PITPNA: variants seen among roughly 807,000 people sequenced by gnomAD.
The protein encoded by PITPNA is phosphatidylinositol transfer protein alpha isoform.
PITPNA carries 13 observed loss-of-function variants against 50.3 expected under a neutral mutation model. The ratio of observed to expected loss-of-function variants is 0.26; its 90% CI spans 0.17 to 0.41. The LOEUF (loss-of-function observed/expected upper bound fraction) is 0.41. Among genes scored for constraint, PITPNA ranks in the 10% least tolerant of loss-of-function variants. The pLI is 1.00. For synonymous variants in PITPNA, 120 were observed against 119.6 expected, an observed-to-expected ratio of 1.00 and a Z score of -0.02; for missense variants, 207 against 333.4, an observed-to-expected ratio of 0.62 and a Z score of 2.95.
intron 9 of PITPNA, among the ~76,000 whole-genome samples, chr17:1,534,956 C>T (rs1481865096): frequency 1.3e-5 from 2 of 152,208 alleles, no homozygotes; most frequent in Admixed American, 1.3e-4. Flanking sequence ...GGGCCATCTT[C>T]TTCACTGGGC....
Position 1,535,177 on chromosome 17 carries a change from C to T in PITPNA, c.645+5G>A, listed in dbSNP as rs2075608329. The T allele has an allele frequency of 1.3e-6, 2 of 1,594,266 alleles. No individual in the cohort carries two copies. The highest frequency in any genetic ancestry group is 1.7e-5 in the Admixed American group (1 of 59,942). On this transcript the variant is annotated splice_donor_5th_base_variant and intron_variant, in intron 9 of 11. Transcript: ENST00000313486. The stretch of plus-strand genomic sequence containing the variant: ...CACTGGGAAGGCCTCAGCCGAGCTA[C>T]TTACCTTATGGATGAAGTTCTCCAC...
chr17:1,545,917 CTTTTTT>C (rs11322049), intron 4 of PITPNA, among the ~76,000 whole-genome samples: 13 of 86,366 alleles, frequency 1.5e-4, no homozygotes, highest in African/African-American at 4.4e-4. Flanking sequence ...TGCATACTGC[CTTTTTT>C]TTTTTTTTTT....
chr17:1,538,966 TG>T lies in PITPNA; in HGVS notation c.373-15del, dbSNP rs773051210. On this transcript the variant is annotated splice_polypyrimidine_tract_variant and intron_variant, in intron 6 of 11. Coordinates refer to ENST00000313486, the MANE Select transcript of PITPNA (RefSeq NM_006224.4). ...CAGCTTATGCACCTGTGGGAACAAG[TG>T]GGGAACCACTATGCAGTTTTTGTCA... 5.0e-6 allele frequency: 8 copies of T among 1,591,248 alleles called. No individual in the cohort carries two copies. In the East Asian group the frequency reaches 1.8e-4, roughly 36 times the overall value.
chr17:1,554,803 C>A (rs929298197), intron 2 of PITPNA, among the ~76,000 whole-genome samples: 16 of 152,152 alleles, frequency 1.1e-4, no homozygotes, highest in African/African-American at 3.9e-4. Flanking sequence ...AATCCCAGAA[C>A]AAAATGCCAT....
At chr17:1,531,676 A>G (rs892889158) in intron 10 of PITPNA, among the ~76,000 whole-genome samples, 6 of 151,440 alleles carry the variant, frequency 4.0e-5, no homozygotes, top group African/African-American at 1.5e-4. Context: ...AAAAAAAAAA[A>G]GAACTACTAA....
intron 10 of PITPNA, among the ~76,000 whole-genome samples, chr17:1,526,704 T>C (rs938952895): frequency 2.0e-5 from 3 of 152,186 alleles, no homozygotes; most frequent in Non-Finnish European, 4.4e-5. Context: ...ACATGATAGC[T>C]TCCCCTACTG....
intron 10 of PITPNA, among the ~76,000 whole-genome samples, chr17:1,531,083 C>T (rs1312410386): frequency 6.6e-6 from 1 of 152,152 alleles, no homozygotes; most frequent in African/African-American, 2.4e-5. Context: ...CTCTGAAGCG[C>T]TGAGGGAACC....
intron 2 of PITPNA, among the ~76,000 whole-genome samples, chr17:1,554,591 T>C (rs777953446): frequency 2.6e-5 from 4 of 151,998 alleles, no homozygotes; most frequent in Non-Finnish European, 4.4e-5. Flanking sequence ...TCTAGGCAAC[T>C]GCTACTTAAA....
At chr17:1,543,870 CT>C (rs2075660201) in intron 4 of PITPNA, among the ~76,000 whole-genome samples, 1 of 152,216 alleles carries the variant, frequency 6.6e-6, no homozygotes, top group Non-Finnish European at 1.5e-5. Context: ...ACTGAAAGGC[CT>C]ACACTGAAGT....
At chr17:1,524,378 T>C (rs1214167363) in intron 10 of PITPNA, among the ~76,000 whole-genome samples, 1 of 145,974 alleles carries the variant, frequency 6.9e-6, no homozygotes, top group Non-Finnish European at 1.5e-5. Flanking sequence ...AGGGTCTCAC[T>C]GTGTCACTCA....
chr17:1,561,804 A>G (rs914645377), intron 1 of PITPNA, among the ~76,000 whole-genome samples: 2 of 151,734 alleles, frequency 1.3e-5, no homozygotes, highest in Non-Finnish European at 2.9e-5. Context: ...GTGTCCACTT[A>G]CCACCACCCC....
chr17:1,549,289 T>C (rs1406320163), intron 3 of PITPNA, among the ~76,000 whole-genome samples: 2 of 146,406 alleles, frequency 1.4e-5, no homozygotes, highest in African/African-American at 2.5e-5. Flanking sequence ...TTGGTAGGTG[T>C]GTGGTTTGAC....
intron 10 of PITPNA, among the ~76,000 whole-genome samples, chr17:1,522,932 GTGGC>G (rs1444886692): frequency 7.2e-5 from 11 of 152,232 alleles, no homozygotes; most frequent in African/African-American, 2.7e-4. Context: ...AGAAAATCCT[GTGGC>G]TCTCCGGGAG....
chr17:1,559,683 C>T, intron 1 of PITPNA: 2 of 730,310 alleles, frequency 2.7e-6, no homozygotes, highest in Non-Finnish European at 3.4e-6. Context: ...GGCTAGTAAA[C>T]AGCTATTTTC....
chr17:1,549,607 C>T lies in PITPNA; in HGVS notation c.198-1220G>A, dbSNP rs559240004. ...CTGAGATTACAGTGGCGTGAGCCAC[C>T]GTGCCTGGCCTAGAAAGATTTTTTA... On this transcript the variant is annotated intron_variant, in intron 3 of 11. Coordinates refer to ENST00000313486, the MANE Select transcript of PITPNA (RefSeq NM_006224.4). Among the ~76,000 whole-genome samples, 5 of 144,416 alleles carry T rather than the reference C, an allele frequency of 3.5e-5. No homozygotes were observed. In the East Asian group the frequency reaches 1.2e-3, roughly 36 times the overall value. The allele number at this position is 144,416 out of a possible 152,430, so 94.7% of individuals were successfully genotyped here.
chr17:1,558,360 AG>A (rs756707039), intron 2 of PITPNA, among the ~76,000 whole-genome samples, 168 bp downstream of exon 2: 6 of 152,242 alleles, frequency 3.9e-5, no homozygotes, highest in Non-Finnish European at 8.8e-5. Context: ...AGATATACAA[AG>A]TAAGTGCCAT....
chr17:1,544,031 T>C (rs1257656163), intron 4 of PITPNA, among the ~76,000 whole-genome samples: 33 of 152,240 alleles, frequency 2.2e-4, no homozygotes, highest in Non-Finnish European at 1.5e-4. Context: ...GCGCCATCCC[T>C]GGAGTGGGGG....
rs114137641 is a variant in PITPNA at position 1,520,838 on chromosome 17, C to T, written c.*23-300G>A. ...CCTTGCCCGTAGGGTTAGAGGCCAGCTTTTATTTGTAAAAATAATTTTCTC... is the reference window on the plus strand; with the variant it reads ...CCTTGCCCGTAGGGTTAGAGGCCAGTTTTTATTTGTAAAAATAATTTTCTC... On this transcript the variant is annotated intron_variant, in intron 11 of 11. Transcript: ENST00000313486. Among the ~76,000 whole-genome samples, 736 of 152,278 alleles carry T rather than the reference C, an allele frequency of 4.8e-3. 4 individuals carry two copies. The highest frequency in any genetic ancestry group is 0.017 in the African/African-American group (693 of 41,550).
At chr17:1,553,634 A>T (rs2075720785) in intron 2 of PITPNA, among the ~76,000 whole-genome samples, 1 of 152,184 alleles carries the variant, frequency 6.6e-6, no homozygotes, top group African/African-American at 2.4e-5. Flanking sequence ...TTTTGTGCTA[A>T]GCCTGCTTCT....
Sources: gnomAD v4.1 joint callset for allele counts (sites outside exome capture counted in the v4.1 genomes callset) on GRCh38, gnomAD v4.1.1 for gene constraint, MANE v1.5 for transcripts, NCBI Gene and HGNC (gene_info 2026-07-23, HGNC 2026-07-21) for gene names.